ENPP6: variants seen among roughly 807,000 people sequenced by gnomAD.
ENPP6 encodes the protein ectonucleotide pyrophosphatase/phosphodiesterase 6.
Under a neutral mutation model 42.0 loss-of-function variants are expected in ENPP6, and 32 were observed. That is an observed-to-expected ratio of 0.76 (90% CI 0.58 to 1.02). The LOEUF is 1.02. Ranked by LOEUF, ENPP6 falls within the 50% of genes least tolerant of loss-of-function variation. The pLI is 0.00. For synonymous variants in ENPP6, 213 were observed against 216.0 expected (o/e 0.99, Z 0.12); for missense variants, 552 against 566.8 (o/e 0.97, Z 0.27).
intron 6 of ENPP6, among the ~76,000 whole-genome samples, chr4:184,111,124 C>T (rs952113224): frequency 2.0e-5 from 3 of 152,168 alleles, no homozygotes; most frequent in Admixed American, 1.3e-4. Flanking sequence ...CTGTTTTCCA[C>T]CAAGATGCCC....
intron 1 of ENPP6, among the ~76,000 whole-genome samples, chr4:184,156,995 T>G (rs1737171045): frequency 6.6e-6 from 1 of 152,226 alleles, no homozygotes; most frequent in Non-Finnish European, 1.5e-5. Context: ...GACTTCTGAG[T>G]CCTCTGCTCA....
At chr4:184,131,408 C>A (rs1316295023) in intron 2 of ENPP6, among the ~76,000 whole-genome samples, 1 of 150,094 alleles carries the variant, frequency 6.7e-6, no homozygotes, top group Non-Finnish European at 1.5e-5. Context: ...GGCTGGAGTG[C>A]AGTGGAGTGA....
intron 1 of ENPP6, among the ~76,000 whole-genome samples, chr4:184,201,553 C>G (rs1280714762): frequency 6.6e-6 from 1 of 152,158 alleles, no homozygotes; most frequent in Non-Finnish European, 1.5e-5. Context: ...TCTAACCACT[C>G]CCTTCTTCAT....
intron 2 of ENPP6, among the ~76,000 whole-genome samples, chr4:184,136,843 T>C (rs532763068): frequency 6.6e-6 from 1 of 152,342 alleles, no homozygotes; most frequent in South Asian, 2.1e-4. Flanking sequence ...ATGTATAGTT[T>C]GGTATTTCTT....
chr4:184,118,498 G>A (rs1426234084), intron 3 of ENPP6, among the ~76,000 whole-genome samples: 1 of 152,148 alleles, frequency 6.6e-6, no homozygotes, highest in Non-Finnish European at 1.5e-5. Flanking sequence ...ATTATGTGTG[G>A]CAATTTACCT....
At chr4:184,180,440 G>T (rs1286252700) in intron 1 of ENPP6, among the ~76,000 whole-genome samples, 1 of 152,144 alleles carries the variant, frequency 6.6e-6, no homozygotes, top group African/African-American at 2.4e-5. Flanking sequence ...ACAAGGAGGA[G>T]CTGGTACCAT....
intron 6 of ENPP6, among the ~76,000 whole-genome samples, chr4:184,105,657 T>C (rs749224578): frequency 4.2e-4 from 64 of 152,176 alleles, no homozygotes; most frequent in Non-Finnish European, 7.2e-4. Flanking sequence ...TTGTTATGGT[T>C]GTTATTGACC....
At position 184,130,374 on chromosome 4, in the gene ENPP6, C is replaced by T. The variant is rs550524443; in HGVS notation, c.422-6102G>A. On this transcript the variant is annotated intron_variant, in intron 2 of 7. Coordinates refer to ENST00000296741, the MANE Select transcript of ENPP6 (RefSeq NM_153343.4). ...GAGATCGAGACCATCCTGGCTAACACGGTGAAACCCTGTCTCTACTAAAAA... is the reference window on the plus strand; with the variant it reads ...GAGATCGAGACCATCCTGGCTAACATGGTGAAACCCTGTCTCTACTAAAAA... 8.8e-5 allele frequency among the ~76,000 whole-genome samples: 13 copies of T among 148,006 alleles called. 1 individual carries two copies. The highest frequency in any genetic ancestry group is 2.2e-4 in the South Asian group (1 of 4,530).
At chr4:184,121,391 C>T (rs887762704) in intron 3 of ENPP6, among the ~76,000 whole-genome samples, 10 of 152,238 alleles carry the variant, frequency 6.6e-5, no homozygotes, top group Non-Finnish European at 1.5e-4. Context: ...TTAACAGCCT[C>T]TCCTGCTTTC....
At chr4:184,122,710 T>C (rs1398856842) in intron 3 of ENPP6, among the ~76,000 whole-genome samples, 2 of 152,324 alleles carry the variant, frequency 1.3e-5, no homozygotes, top group East Asian at 3.9e-4. Context: ...TAAGATAAGA[T>C]GAATGCAAAA....
chr4:184,101,059 G>A (rs1184051318), intron 6 of ENPP6, among the ~76,000 whole-genome samples: 1 of 152,146 alleles, frequency 6.6e-6, no homozygotes, highest in Non-Finnish European at 1.5e-5. Context: ...TTCAGCAGTG[G>A]GGACACAGGA....
At chr4:184,202,709 G>T (rs1418884912) in intron 1 of ENPP6, among the ~76,000 whole-genome samples, 1 of 152,176 alleles carries the variant, frequency 6.6e-6, no homozygotes, top group Admixed American at 6.5e-5. Context: ...AGAATGAAGA[G>T]GAAATCGGAG....
chr4:184,134,698 T>C (rs1761238159), intron 2 of ENPP6, among the ~76,000 whole-genome samples: 1 of 151,988 alleles, frequency 6.6e-6, no homozygotes, highest in East Asian at 1.9e-4. Context: ...GCTTTGTCAG[T>C]TTTCTTTGTT....
intron 2 of ENPP6, among the ~76,000 whole-genome samples, chr4:184,136,331 A>G (rs943713487): frequency 7.2e-5 from 11 of 152,090 alleles, no homozygotes; most frequent in African/African-American, 2.4e-4. Context: ...CTGTGCTTCT[A>G]TTGTCATGTA....
chr4:184,101,785 C>T (rs545558671), intron 6 of ENPP6, among the ~76,000 whole-genome samples: 4 of 152,196 alleles, frequency 2.6e-5, no homozygotes, highest in Middle Eastern at 3.2e-3. Flanking sequence ...CAGTGCCTTC[C>T]AGGACCCCTC....
intron 1 of ENPP6, among the ~76,000 whole-genome samples, chr4:184,155,987 T>G (rs1737153733): frequency 6.6e-6 from 1 of 152,172 alleles, no homozygotes; most frequent in African/African-American, 2.4e-5. Flanking sequence ...CTGGATTGTG[T>G]GTGTGCATGC....
At chr4:184,153,466 G>T in intron 2 of ENPP6, 88 bp downstream of exon 2, 2 of 1,411,278 alleles carry the variant, frequency 1.4e-6, no homozygotes, top group East Asian at 2.4e-5. Flanking sequence ...CCAAACCACG[G>T]CTTGGTCTTC....
chr4:184,159,895 A>G (rs1026982926), intron 1 of ENPP6, among the ~76,000 whole-genome samples: 15 of 152,214 alleles, frequency 9.9e-5, no homozygotes, highest in African/African-American at 3.6e-4. Flanking sequence ...AAGTGAGAAC[A>G]TGCGATATTT....
At chr4:184,213,253 C>T (rs1039012960) in intron 1 of ENPP6, among the ~76,000 whole-genome samples, 98 of 151,888 alleles carry the variant, frequency 6.5e-4, no homozygotes, top group Non-Finnish European at 1.1e-3. Context: ...TCTAATTAAA[C>T]TGAAGAGCTT....
Sources: allele counts gnomAD v4.1 joint callset (sites outside exome capture counted in the v4.1 genomes callset), GRCh38; gene constraint gnomAD v4.1.1; transcripts MANE v1.5; gene names NCBI Gene and HGNC (gene_info 2026-07-23, HGNC 2026-07-21).